The following WDR90 variants were observed in gnomAD, a reference collection of about 807,000 sequenced individuals.
WDR90 encodes the protein WD repeat-containing protein 90.
A neutral mutation model predicts 195.2 loss-of-function variants in WDR90; 238 were observed. That is an observed-to-expected ratio of 1.22 (90% CI 1.10 to 1.36). WDR90 has a LOEUF of 1.36. Ranked by LOEUF, WDR90 falls within the 40% of genes most tolerant of loss-of-function variation. The probability of loss-of-function intolerance (pLI) is 0.00; values close to 1 mark genes in which losing one functional copy is unlikely to be tolerated. For missense variants in WDR90, 2,734 were observed against 2,439.5 expected, an observed-to-expected ratio of 1.12 and a Z score of -2.54; for synonymous variants, 1,265 against 1,052.4, an observed-to-expected ratio of 1.20 and a Z score of -3.91.
In WDR90 at chr16:650,364, T is replaced by C; in HGVS notation, c.388+2T>C. On this transcript the variant is annotated splice_donor_variant, in intron 4 of 40. Coordinates refer to ENST00000293879, the MANE Select transcript of WDR90 (RefSeq NM_145294.5). LOFTEE classifies it high-confidence loss of function. ...TGGAGGCCAGGACACCTCAGAGAGG[T>C]GACACCAAGATGGGGTGTGGATGAT... 1 of 1,611,536 alleles carries C rather than the reference T, an allele frequency of 6.2e-7. No individual in the cohort carries two copies. Among genetic ancestry groups the C allele is most frequent in the Non-Finnish European group, 8.5e-7 (1 of 1,178,918 alleles).
At chr16:658,826 CT>C (rs1567219082) in intron 23 of WDR90, 69 bp from the exon 24 acceptor site, 35 of 1,589,642 alleles carry the variant, frequency 2.2e-5, no homozygotes, top group Admixed American at 1.5e-4. Context: ...CTCACCGTCC[CT>C]GGGGACTGGG....
Position 655,434 on chromosome 16 carries a change from C to G in WDR90, c.1684C>G (p.Arg562Gly). ...CACCGACCTGGCCTTCAAGCAGGCC[C>G]GGGACGGCTGCCCGGAGCCCTCGGC... The part of the protein sequence containing the change: ...QFTDLAFKQA[R>G]DGCPEPSAAM... The change falls in exon 15 of 41, where the codon CGG (arginine) becomes GGG (glycine). Residue 562 changes from arginine (R) to glycine (G), a missense_variant. Coordinates refer to ENST00000293879, the MANE Select transcript of WDR90 (RefSeq NM_145294.5). The G allele has an allele frequency of 6.4e-7, 1 of 1,568,082 alleles. No homozygotes were observed. Among genetic ancestry groups the G allele is most frequent in the Non-Finnish European group, 8.6e-7 (1 of 1,160,474 alleles).
intron 13 of WDR90, chr16:654,754 G>A (rs925519712): frequency 3.5e-5 from 17 of 487,438 alleles, no homozygotes; most frequent in Non-Finnish European, 6.3e-5. Context: ...CCAGCCACGA[G>A]CTGCTTTTTA....
At chr16:661,018 C>A (rs1282973354) in intron 28 of WDR90, 33 bp from the exon 29 acceptor site, 2 of 873,258 alleles carry the variant, frequency 2.3e-6, no homozygotes, top group Non-Finnish European at 2.8e-6. Context: ...CCCCCCCCGG[C>A]CCGGCCTCAG....
At position 651,895 on chromosome 16, in the gene WDR90, C is replaced by T; in HGVS notation, c.909C>T (p.Ala303=). The change falls in exon 9 of 41, where the codon GCC becomes GCT. Residue 303 remains alanine, a synonymous_variant. Transcript: ENST00000293879. ...EVSLSQERSD[A]SNADGPGFHS... ...GCCTGTCCCAAGAGCGCTCAGACGCCTCCAACGCGGATGGCCCCGGTTTCC... is the reference window on the plus strand; with the variant it reads ...GCCTGTCCCAAGAGCGCTCAGACGCTTCCAACGCGGATGGCCCCGGTTTCC... 1 of 1,611,304 alleles carries T rather than the reference C, an allele frequency of 6.2e-7. No homozygotes were observed.
chr16:652,264 G>T, intron 9 of WDR90: 1 of 794,136 alleles, frequency 1.3e-6, no homozygotes, highest in Non-Finnish European at 2.0e-6. Flanking sequence ...GCCCCAGGTG[G>T]TCTGTGGGGG....
At position 657,091 on chromosome 16, in the gene WDR90, G is replaced by A. The variant is rs763819107; in HGVS notation, c.2343G>A (p.Thr781=). 1.3e-6 allele frequency: 2 copies of A among 1,597,664 alleles called. No individual in the cohort carries two copies. Among genetic ancestry groups the A allele is most frequent in the South Asian group, 1.1e-5 (1 of 89,084 alleles). The change falls in exon 20 of 41, where the codon ACG becomes ACA. Residue 781 remains threonine (T), a splice_region_variant and synonymous_variant. Transcript: ENST00000293879. The part of the protein sequence containing the change: ...LEAAEVLVEH[T]CHRGAVTGLT... ...AGCGGGGTCCCTGTGTGTGCTGCAG[G>A]TGCCACCGAGGAGCTGTCACCGGCC...
At position 666,270 on chromosome 16, in the gene WDR90, C is replaced by G. The variant is rs201852472; in HGVS notation, c.4660C>G (p.Pro1554Ala). The change falls in exon 37 of 41, where the codon CCC becomes GCC. Residue 1554 changes from proline to alanine, a missense_variant. Pro to Ala is a conservative substitution (Grantham distance 27). Transcript: ENST00000293879. ...GGATGGGCTCGTGGCTGTGAGCCAC[C>G]CCTGCACAGGGACAACCTTCCGTGT... is the stretch of plus-strand genomic sequence containing the variant. ...DKDGLVAVSH[P>A]CTGTTFRVLS... The G allele has an allele frequency of 2.5e-6, 4 of 1,612,606 alleles. No individual in the cohort carries two copies. The highest frequency in any genetic ancestry group is 1.1e-5 in the South Asian group (1 of 91,092).
intron 1 of WDR90, 149 bp from the exon 2 acceptor site, chr16:649,614 T>G: frequency 8.8e-7 from 1 of 1,136,854 alleles, no homozygotes; most frequent in Non-Finnish European, 1.1e-6. Flanking sequence ...GCGCCCGGCC[T>G]CGTCCCGCCA....
Position 665,956 on chromosome 16 carries a change from C to T in WDR90, c.4441C>T (p.Leu1481Phe), listed in dbSNP as rs2038017151. Residue 1481 changes from leucine (L) to phenylalanine (F), a missense_variant, in exon 36 of 41, where the codon CTC becomes TTC. Transcript: ENST00000293879. ...CCCCACTGTGGGTCCCCAGAGCTGC[C>T]TCTGCCTGGCATGGAGCCCCCCGTG... ...IQFQVLNQSC[L>F]CLAWSPPCCG... is the part of the protein sequence containing the mutation. The T allele has an allele frequency of 6.3e-6, 10 of 1,587,090 alleles. No homozygotes were observed. The highest frequency in any genetic ancestry group is 8.6e-6 in the Non-Finnish European group (10 of 1,167,912).
Position 655,409 on chromosome 16 carries a change from C to G in WDR90, c.1659C>G (p.Phe553Leu). 3.8e-6 allele frequency: 6 copies of G among 1,590,368 alleles called. No homozygotes were observed. Among genetic ancestry groups the G allele is most frequent in the Non-Finnish European group, 5.1e-6 (6 of 1,173,286 alleles). ...TAGGGGAGCACCACGCGCTGCAGTTCACCGACCTGGCCTTCAAGCAGGCCC... is the reference window on the plus strand; with the variant it reads ...TAGGGGAGCACCACGCGCTGCAGTTGACCGACCTGGCCTTCAAGCAGGCCC... ...VDLGEHHALQ[F>L]TDLAFKQARD... The change falls in exon 15 of 41, where the codon TTC becomes TTG. Residue 553 changes from phenylalanine to leucine, a missense_variant. Coordinates refer to ENST00000293879, the MANE Select transcript of WDR90 (RefSeq NM_145294.5).
chr16:649,873 G>C lies in WDR90; in HGVS notation c.102+19G>C. On this transcript the variant is annotated intron_variant, in intron 2 of 40. Transcript: ENST00000293879. ...GGTCACGGTAGGCGGCCGGGGGCTCGCCCGGAGCCCACACCCCTGCCCTGC... is the reference window on the plus strand; with the variant it reads ...GGTCACGGTAGGCGGCCGGGGGCTCCCCCGGAGCCCACACCCCTGCCCTGC... 1 of 1,574,360 alleles carries C rather than the reference G, an allele frequency of 6.4e-7. No individual in the cohort carries two copies. The highest frequency in any genetic ancestry group is 8.6e-7 in the Non-Finnish European group (1 of 1,160,906).
chr16:660,850 C>T (rs2037881740), intron 28 of WDR90, 136 bp downstream of exon 28: 2 of 1,037,686 alleles, frequency 1.9e-6, no homozygotes, highest in Non-Finnish European at 2.6e-6. Context: ...CCCGGTAGCG[C>T]CTCCTGGCGC....
In WDR90 at chr16:665,556, C is replaced by T. The variant is rs113171108; in HGVS notation, c.4312-123C>T. On this transcript the variant is annotated intron_variant, in intron 34 of 40. Coordinates refer to ENST00000293879, the MANE Select transcript of WDR90 (RefSeq NM_145294.5). The stretch of plus-strand genomic sequence containing the variant: ...CTCCTTTCCGCCATGTGGAGTTGGC[C>T]GGGGCCAGAGGCACATGCTCTGGTT... 266 of 1,513,590 alleles carry T rather than the reference C, an allele frequency of 1.8e-4. 1 individual carries two copies. The African/African-American group carries it at 2.4e-3, about 14-fold the overall frequency. 93.8% of individuals were successfully genotyped at this position (1,513,590 alleles called of 1,614,324 possible). A position where few individuals can be genotyped will look rare whatever the true frequency, so the allele number is the denominator to read the frequency against.
intron 34 of WDR90, 139 bp downstream of exon 34, chr16:662,983 C>T (rs1321004283): frequency 1.2e-5 from 16 of 1,336,568 alleles, no homozygotes; most frequent in East Asian, 2.5e-5. Flanking sequence ...GGGTTCCCAG[C>T]GGGGAAGTCT....
Position 649,787 on chromosome 16 carries a change from T to C in WDR90, c.35T>C (p.Val12Ala). The part of the protein sequence containing the change: ...ARAWQHPFLN[V>A]FRHFRVDEWK... ...GCGTGGCAGCACCCGTTCCTCAACGTCTTCAGACACTTCCGGGTGGACGAG... is the reference window on the plus strand; with the variant it reads ...GCGTGGCAGCACCCGTTCCTCAACGCCTTCAGACACTTCCGGGTGGACGAG... The change falls in exon 2 of 41, where the codon GTC becomes GCC. Residue 12 changes from valine to alanine, a missense_variant. By Grantham distance (64) the Val-to-Ala change is moderately conservative. Coordinates refer to ENST00000293879, the MANE Select transcript of WDR90 (RefSeq NM_145294.5). 1.3e-6 allele frequency: 2 copies of C among 1,571,532 alleles called. No homozygotes were observed.
intron 40 of WDR90, 83 bp downstream of exon 40, chr16:667,072 C>T: frequency 1.4e-6 from 2 of 1,394,658 alleles, no homozygotes; most frequent in South Asian, 1.2e-5. Context: ...AGACAGGTGC[C>T]TCACCTGTGC....
Position 655,106 on chromosome 16 carries a change from T to A in WDR90, c.1515T>A (p.Phe505Leu). The A allele has an allele frequency of 6.2e-7, 1 of 1,612,812 alleles. No individual in the cohort carries two copies. Among genetic ancestry groups the A allele is most frequent in the Non-Finnish European group, 8.5e-7 (1 of 1,179,848 alleles). ...VVVLAKAHTDFDVQAFRVTFF... is the reference protein window; with the variant it reads ...VVVLAKAHTDLDVQAFRVTFF... ...TTCTGGCAAAGGCGCACACTGACTTTGACGTCCAGGCCTTCCGGGTCACCT... is the reference window on the plus strand; with the variant it reads ...TTCTGGCAAAGGCGCACACTGACTTAGACGTCCAGGCCTTCCGGGTCACCT... The change falls in exon 14 of 41, where the codon TTT becomes TTA. Residue 505 changes from phenylalanine (F) to leucine (L), a missense_variant. Transcript: ENST00000293879.
In WDR90 at chr16:666,754, T is replaced by G. The variant is rs773859001; in HGVS notation, c.4966T>G (p.Tyr1656Asp). The G allele has an allele frequency of 1.2e-6, 2 of 1,612,800 alleles. No homozygotes were observed. Among genetic ancestry groups the G allele is most frequent in the Non-Finnish European group, 1.7e-6 (2 of 1,179,960 alleles). ...ALLMYVGPGVYKEVIIYNLCQ... is the reference protein window; with the variant it reads ...ALLMYVGPGVDKEVIIYNLCQ... ...CCTGATGTACGTGGGCCCCGGTGTTTACAAGGAGGTGATCATCTACAACCT... is the reference window on the plus strand; with the variant it reads ...CCTGATGTACGTGGGCCCCGGTGTTGACAAGGAGGTGATCATCTACAACCT... Residue 1656 changes from tyrosine (Y) to aspartate (D), a missense_variant, in exon 39 of 41, where the codon TAC becomes GAC. Transcript: ENST00000293879.
Sources: allele counts gnomAD v4.1 joint callset, GRCh38; gene constraint gnomAD v4.1.1; transcripts MANE v1.5; gene names NCBI Gene and HGNC (gene_info 2026-07-23, HGNC 2026-07-21).